Variants in GPC6 observed in about 807,000 individuals in gnomAD.
GPC6 encodes the protein glypican 6, also known as glypican-6.
Under a neutral mutation model 55.2 loss-of-function variants are expected in GPC6, and 14 were observed. The observed-to-expected ratio is 0.25, with a 90% confidence interval of 0.17 to 0.40. The LOEUF is 0.40. Ranked by LOEUF, GPC6 falls within the 10% of genes least tolerant of loss-of-function variation. The pLI is 1.00. For synonymous variants in GPC6, 278 were observed against 259.6 expected (o/e 1.07, Z -0.68); for missense variants, 641 against 708.5 (o/e 0.90, Z 1.08).
intron 1 of GPC6, among the ~76,000 whole-genome samples, chr13:93,329,460 C>T (rs1014545997): frequency 6.6e-6 from 1 of 152,218 alleles, no homozygotes; most frequent in African/African-American, 2.4e-5. Flanking sequence ...CTCCCTACTT[C>T]TGGCTCTGTT....
intron 1 of GPC6, among the ~76,000 whole-genome samples, chr13:93,321,387 T>C (rs1465858615): frequency 6.6e-6 from 1 of 152,134 alleles, no homozygotes; most frequent in Non-Finnish European, 1.5e-5. Context: ...AAAGGAATGA[T>C]TTCTCTTTCC....
intron 4 of GPC6, among the ~76,000 whole-genome samples, chr13:94,073,577 G>C (rs1884808650): frequency 6.6e-6 from 1 of 152,056 alleles, no homozygotes; most frequent in South Asian, 2.1e-4. Flanking sequence ...TTCCCAACAT[G>C]AACCTCGGGT....
At chr13:94,051,805 A>C (rs1883957866) in intron 4 of GPC6, among the ~76,000 whole-genome samples, 1 of 152,190 alleles carries the variant, frequency 6.6e-6, no homozygotes. Flanking sequence ...AATTTGGGTT[A>C]GAAGTGATAC....
At chr13:93,898,938 T>A (rs9516312) in intron 3 of GPC6, among the ~76,000 whole-genome samples, 1 of 92,620 alleles carries the variant, frequency 1.1e-5, no homozygotes, top group Non-Finnish European at 2.1e-5. Flanking sequence ...ATATTATATA[T>A]AAATATATAT....
intron 4 of GPC6, among the ~76,000 whole-genome samples, chr13:94,247,691 G>T (rs190717560): frequency 6.6e-6 from 1 of 151,958 alleles, no homozygotes; most frequent in Non-Finnish European, 1.5e-5. Context: ...GCATGTTTGG[G>T]GGTAAATCCT....
intron 6 of GPC6, among the ~76,000 whole-genome samples, chr13:94,366,845 C>T (rs1278645966): frequency 6.6e-6 from 1 of 152,126 alleles, no homozygotes; most frequent in Non-Finnish European, 1.5e-5. Flanking sequence ...GGAGCATTTA[C>T]CAGGGGCTAG....
chr13:93,756,946 C>T (rs1365839786), intron 2 of GPC6, among the ~76,000 whole-genome samples: 1 of 152,096 alleles, frequency 6.6e-6, no homozygotes, highest in Admixed American at 6.6e-5. Flanking sequence ...TTCCACAACC[C>T]GTTTAATAGA....
intron 3 of GPC6, among the ~76,000 whole-genome samples, chr13:93,947,222 G>T (rs1175557036): frequency 2.0e-5 from 3 of 152,202 alleles, no homozygotes. Context: ...TGATGTGTGA[G>T]TCTTCAATGT....
At chr13:94,251,798 T>TC (rs1434059641) in intron 4 of GPC6, among the ~76,000 whole-genome samples, 1 of 152,092 alleles carries the variant, frequency 6.6e-6, no homozygotes, top group Non-Finnish European at 1.5e-5. Flanking sequence ...TCTTTTTTTT[T>TC]CACCACCAAT....
chr13:93,620,784 G>T (rs1878918484), intron 2 of GPC6, among the ~76,000 whole-genome samples: 1 of 152,100 alleles, frequency 6.6e-6, no homozygotes, highest in Non-Finnish European at 1.5e-5. Flanking sequence ...CTCTGTGTGG[G>T]TTAGTATCTG....
rs1362845287 is a variant in GPC6 at position 93,969,820 on chromosome 13, G to A, written c.712-57909G>A. ...CTCCCACATGTGAATGAGAGCATGTGGTATTTGGCTTCCTGTGCCTGGCTT... is the reference window on the plus strand; with the variant it reads ...CTCCCACATGTGAATGAGAGCATGTAGTATTTGGCTTCCTGTGCCTGGCTT... On this transcript the variant is annotated intron_variant, in intron 3 of 8. Coordinates refer to ENST00000377047, the MANE Select transcript of GPC6 (RefSeq NM_005708.5). 2.0e-5 allele frequency among the ~76,000 whole-genome samples: 3 copies of A among 152,002 alleles called. 1 individual carries two copies. Among genetic ancestry groups the A allele is most frequent in the African/African-American group, 4.8e-5 (2 of 41,394 alleles).
chr13:94,226,210 A>G (rs909144417), intron 4 of GPC6, among the ~76,000 whole-genome samples: 14 of 152,170 alleles, frequency 9.2e-5, no homozygotes, highest in Non-Finnish European at 1.9e-4. Context: ...GTTTATATAC[A>G]TAAATAATTT....
chr13:94,371,904 T>A, intron 6 of GPC6, among the ~76,000 whole-genome samples: 1 of 152,178 alleles, frequency 6.6e-6, no homozygotes, highest in Admixed American at 6.5e-5. Context: ...AGCCACAACA[T>A]CATGATCACA....
intron 2 of GPC6, among the ~76,000 whole-genome samples, chr13:93,575,843 A>C (rs150667977): frequency 1.1e-4 from 16 of 152,314 alleles, no homozygotes; most frequent in African/African-American, 3.8e-4. Context: ...TCTTAAGATC[A>C]TAGTCACTTG....
chr13:93,221,756 A>C, the GPC6 span, among the ~76,000 whole-genome samples: 1 of 152,150 alleles, frequency 6.6e-6, no homozygotes, highest in African/African-American at 2.4e-5. Flanking sequence ...TACTGTTGTT[A>C]AATTTCTGAC....
chr13:93,647,875 G>A (rs1880239928), intron 2 of GPC6, among the ~76,000 whole-genome samples: 1 of 152,028 alleles, frequency 6.6e-6, no homozygotes, highest in Admixed American at 6.6e-5. Flanking sequence ...GAGTGAACTG[G>A]CTACCACCAG....
chr13:93,643,985 A>C (rs757339207), intron 2 of GPC6, among the ~76,000 whole-genome samples: 1 of 152,090 alleles, frequency 6.6e-6, no homozygotes, highest in Non-Finnish European at 1.5e-5. Context: ...GAAAACAGGC[A>C]GTAATGATTC....
intron 2 of GPC6, among the ~76,000 whole-genome samples, chr13:93,554,229 G>A (rs890588435): frequency 4.0e-5 from 6 of 151,668 alleles, no homozygotes; most frequent in African/African-American, 1.2e-4. Context: ...TTGTACATAC[G>A]GAACAATGTC....
At chr13:93,701,149 C>A (rs1325387815) in intron 2 of GPC6, among the ~76,000 whole-genome samples, 2 of 152,012 alleles carry the variant, frequency 1.3e-5, no homozygotes, top group Admixed American at 6.6e-5. Context: ...ATGCACATCC[C>A]AGGGACATTT....
Sources: allele counts gnomAD v4.1 joint callset (sites outside exome capture counted in the v4.1 genomes callset), GRCh38; gene constraint gnomAD v4.1.1; transcripts MANE v1.5; gene names NCBI Gene and HGNC (gene_info 2026-07-23, HGNC 2026-07-21).